COL4A3: variants seen among roughly 807,000 people sequenced by gnomAD.
COL4A3 encodes the protein collagen alpha-3(IV) chain.
Under a neutral mutation model 217.4 loss-of-function variants are expected in COL4A3, and 135 were observed. The ratio of observed to expected loss-of-function variants is 0.62; its 90% CI spans 0.54 to 0.72. COL4A3 has a LOEUF of 0.72. Among genes scored for constraint, COL4A3 ranks in the 30% least tolerant of loss-of-function variants. COL4A3 has a pLI of 0.00. For missense variants in COL4A3, 1,868 were observed against 2,119.9 expected, an observed-to-expected ratio of 0.88 and a Z score of 2.33; for synonymous variants, 690 against 736.3, an observed-to-expected ratio of 0.94 and a Z score of 1.02.
At chr2:227,249,228 A>ATTTTTTTTTTT (rs1437063843) in intron 9 of COL4A3, among the ~76,000 whole-genome samples, 16 of 22,186 alleles carry the variant, frequency 7.2e-4, no homozygotes, top group South Asian at 2.0e-3. Flanking sequence ...ATATATATAT[A>ATTTTTTTTTTT]TATTTTTTTT....
Position 227,280,906 on chromosome 2 carries a change from G to T in COL4A3, c.2388G>T (p.Gln796His). 6.4e-7 allele frequency: 1 copy of T among 1,557,102 alleles called. No individual in the cohort carries two copies. The highest frequency in any genetic ancestry group is 8.7e-7 in the Non-Finnish European group (1 of 1,149,844). Reference sequence around the variant, plus strand: ...TTTCTTTTGCAGGAGATCCAGGGCAGCCTGGACCACCTGGAGAACAAGGAC... The same window carrying T: ...TTTCTTTTGCAGGAGATCCAGGGCATCCTGGACCACCTGGAGAACAAGGAC... ...GLDGPRGDPGQPGPPGEQGPP... is the reference protein window; with the variant it reads ...GLDGPRGDPGHPGPPGEQGPP... The change falls in exon 31 of 52, where the codon CAG (glutamine) becomes CAT (histidine). Residue 796 changes from glutamine (Q) to histidine (H), a missense_variant. Physicochemically the swap from Gln to His is conservative, Grantham distance 24. Coordinates refer to ENST00000396578, the MANE Select transcript of COL4A3 (RefSeq NM_000091.5).
chr2:227,194,588 A>G (rs1458453770), intron 1 of COL4A3, among the ~76,000 whole-genome samples: 1 of 150,220 alleles, frequency 6.7e-6, no homozygotes, highest in Admixed American at 6.7e-5. Flanking sequence ...AGGAGGAGTG[A>G]AAGTTATCTG....
intron 1 of COL4A3, among the ~76,000 whole-genome samples, chr2:227,205,349 T>G (rs1447238887): frequency 6.6e-6 from 1 of 152,140 alleles, no homozygotes; most frequent in African/African-American, 2.4e-5. Flanking sequence ...ATAAATTAAC[T>G]TTTGATAAAG....
At chr2:227,297,200 C>T (rs2073065405) in intron 41 of COL4A3, among the ~76,000 whole-genome samples, 1 of 152,196 alleles carries the variant, frequency 6.6e-6, no homozygotes, top group Non-Finnish European at 1.5e-5. Flanking sequence ...CAAATGCACA[C>T]ATCAGTGCTA....
Position 227,231,945 on chromosome 2 carries a change from C to T in COL4A3, c.88-6023C>T, listed in dbSNP as rs147517949. 5.3e-4 allele frequency among the ~76,000 whole-genome samples: 80 copies of T among 152,252 alleles called. 2 individuals carry two copies. The highest frequency in any genetic ancestry group is 6.8e-3 in the Middle Eastern group (2 of 294). On this transcript the variant is annotated intron_variant, in intron 1 of 51. Coordinates refer to ENST00000396578, the MANE Select transcript of COL4A3 (RefSeq NM_000091.5). The stretch of plus-strand genomic sequence containing the variant: ...TTGTACCCATTAATCATTCCACCTC[C>T]CATCCAACCCTTCACTACCCCTCTA...
In COL4A3 at chr2:227,256,382, G is replaced by A; in HGVS notation, c.973G>A (p.Glu325Lys). 1 of 1,613,374 alleles carries A rather than the reference G, an allele frequency of 6.2e-7. No homozygotes were observed. The highest frequency in any genetic ancestry group is 8.5e-7 in the Non-Finnish European group (1 of 1,179,354). ...GNRGFPGLMG[E>K]DGIKGQKGDI... is the part of the protein sequence containing the mutation. ...CAGGGGTTTCCCTGGGTTAATGGGTGAAGATGGCATTAAGGTAATCCTCTC... is the reference window on the plus strand; with the variant it reads ...CAGGGGTTTCCCTGGGTTAATGGGTAAAGATGGCATTAAGGTAATCCTCTC... Residue 325 changes from glutamate (E) to lysine (K), a missense_variant, in exon 17 of 52, where the codon GAA (glutamate) becomes AAA (lysine). This residue lies in a region of COL4A3 where 1,503 missense variants were observed against 1,786.1 expected (regional missense o/e 0.84). Transcript: ENST00000396578.
chr2:227,291,372 G>A (rs891251685), intron 37 of COL4A3, among the ~76,000 whole-genome samples: 4 of 151,696 alleles, frequency 2.6e-5, no homozygotes, highest in Non-Finnish European at 5.9e-5. Context: ...GACCATCTTG[G>A]CTAACATGGT....
intron 49 of COL4A3, 51 bp downstream of exon 49, chr2:227,309,127 C>CT: frequency 6.2e-7 from 1 of 1,610,826 alleles, no homozygotes; most frequent in Non-Finnish European, 8.5e-7. Context: ...AATCACTTCC[C>CT]TTGTAATGGA....
intron 1 of COL4A3, among the ~76,000 whole-genome samples, chr2:227,237,026 G>A (rs1176782266): frequency 1.3e-5 from 2 of 152,166 alleles, no homozygotes; most frequent in Admixed American, 1.3e-4. Flanking sequence ...GCAGAGAAAA[G>A]TTTTAAAAAT....
chr2:227,263,856 A>G lies in COL4A3; in HGVS notation c.1227A>G (p.Pro409=). 6.2e-7 allele frequency: 1 copy of G among 1,614,178 alleles called. No individual in the cohort carries two copies. The highest frequency in any genetic ancestry group is 8.5e-7 in the Non-Finnish European group (1 of 1,180,004). ...LKGSKGERGR[P]GKDAMGTPGS... is the part of the protein sequence containing the mutation. Reference sequence around the variant, plus strand: ...GAAGTAAAGGGGAACGAGGCCGCCCAGGAAAGGATGCCATGGGGACTCCTG... The same window carrying G: ...GAAGTAAAGGGGAACGAGGCCGCCCGGGAAAGGATGCCATGGGGACTCCTG... The change falls in exon 21 of 52, where the codon CCA becomes CCG. Residue 409 remains proline (P), a synonymous_variant. Transcript: ENST00000396578.
intron 1 of COL4A3, among the ~76,000 whole-genome samples, chr2:227,181,522 T>G (rs1369560201): frequency 2.6e-5 from 4 of 152,182 alleles, no homozygotes; most frequent in Non-Finnish European, 4.4e-5. Flanking sequence ...TGTGAATATT[T>G]GAGATATATA....
At position 227,247,470 on chromosome 2, in the gene COL4A3, A is replaced by G. The variant is rs4321358; in HGVS notation, c.442-88A>G. 0.98 allele frequency: 1,199,611 copies of G among 1,228,038 alleles called. 586,020 individuals are homozygous for G. The highest frequency in any genetic ancestry group is 1 in the East Asian group (43,015 of 43,018). The allele number at this position is 1,228,038 out of a possible 1,614,324, so 76.1% of individuals were successfully genotyped here. A position where few individuals can be genotyped will look rare whatever the true frequency, so the allele number is the denominator to read the frequency against. ...GGGAGGTGTACAGTGGGGAGAGGAT[A>G]CACAATAGCAGAGAGGGCAGAGCAG... is the stretch of plus-strand genomic sequence containing the variant. On this transcript the variant is annotated intron_variant, in intron 7 of 51. Transcript: ENST00000396578.
At chr2:227,177,622 A>C (rs2065726602) in intron 1 of COL4A3, among the ~76,000 whole-genome samples, 1 of 152,192 alleles carries the variant, frequency 6.6e-6, no homozygotes, top group Admixed American at 6.5e-5. Flanking sequence ...TTGAGGTTTT[A>C]GTTACCTGTG....
intron 1 of COL4A3, among the ~76,000 whole-genome samples, chr2:227,201,303 C>T (rs1214770807): frequency 2.0e-5 from 3 of 152,132 alleles, no homozygotes; most frequent in Admixed American, 1.3e-4. Context: ...AAAAATTCCT[C>T]TGTTGTTAAA....
rs757774756 is a variant in COL4A3 at position 227,269,928 on chromosome 2, G to A, written c.1523G>A (p.Gly508Asp). The A allele has an allele frequency of 5.0e-6, 8 of 1,613,746 alleles. No homozygotes were observed. The highest frequency in any genetic ancestry group is 5.9e-6 in the Non-Finnish European group (7 of 1,179,846). Residue 508 changes from glycine (G) to aspartate (D), a missense_variant, in exon 24 of 52, where the codon GGC (glycine) becomes GAC (aspartate). Coordinates refer to ENST00000396578, the MANE Select transcript of COL4A3 (RefSeq NM_000091.5). ...KGIPGRQGAA[G>D]LKGSPGSPGN... ...TTTGCAGGAAGACAAGGCGCAGCTGGCTTGAAAGGAAGCCCAGGGTCCCCA... is the reference window on the plus strand; with the variant it reads ...TTTGCAGGAAGACAAGGCGCAGCTGACTTGAAAGGAAGCCCAGGGTCCCCA...
Position 227,248,494 on chromosome 2 carries a change from G to C in COL4A3, c.520G>C (p.Gly174Arg). Residue 174 changes from glycine (G) to arginine (R), a missense_variant, in exon 9 of 52, where the codon GGG becomes CGG. By Grantham distance (125) the Gly-to-Arg change is moderately radical (BLOSUM62 -2). Coordinates refer to ENST00000396578, the MANE Select transcript of COL4A3 (RefSeq NM_000091.5). ...DIELDAKGDP[G>R]LPGAPGPQGL... ...AGAACTTGATGCAAAAGGCGACCCC[G>C]GGTTGCCAGGGGCTCCAGGACCCCA... The C allele has an allele frequency of 6.2e-7, 1 of 1,613,190 alleles. No homozygotes were observed. Among genetic ancestry groups the C allele is most frequent in the Non-Finnish European group, 8.5e-7 (1 of 1,179,356 alleles).
At chr2:227,222,161 AT>A (rs1294103276) in intron 1 of COL4A3, among the ~76,000 whole-genome samples, 152 of 76,302 alleles carry the variant, frequency 2.0e-3, no homozygotes, top group Middle Eastern at 5.8e-3. Context: ...AATAATAATA[AT>A]AATGATAATG....
intron 42 of COL4A3, 99 bp downstream of exon 42, chr2:227,297,958 TC>T: frequency 7.5e-7 from 1 of 1,338,608 alleles, no homozygotes; most frequent in Non-Finnish European, 1.0e-6. Flanking sequence ...GCTTCTTCTT[TC>T]CCTGTGGTCA....
intron 5 of COL4A3, 71 bp from the exon 6 acceptor site, chr2:227,245,883 G>A: frequency 9.6e-7 from 1 of 1,038,878 alleles, no homozygotes. Flanking sequence ...TTAAATCAGT[G>A]CATCTTTTCC....
Sources: gnomAD v4.1 joint callset for allele counts (sites outside exome capture counted in the v4.1 genomes callset) on GRCh38, gnomAD v4.1.1 for gene constraint, gnomAD v4.1.1 regional missense constraint, MANE v1.5 for transcripts, NCBI Gene and HGNC (gene_info 2026-07-23, HGNC 2026-07-21) for gene names.